Variants in AGBL1 observed in about 807,000 individuals in gnomAD.
AGBL1 encodes AGBL carboxypeptidase 1.
In AGBL1, 130 loss-of-function variants were observed where a neutral mutation model predicts 118.9. The ratio of observed to expected loss-of-function variants is 1.09; its 90% CI spans 0.95 to 1.26. AGBL1 has a LOEUF of 1.26. AGBL1 is among the 50% of genes most tolerant of loss of function. AGBL1 has a pLI of 0.00. For missense variants in AGBL1, 1,584 were observed against 1,298.1 expected (o/e 1.22, Z -3.38); for synonymous variants, 555 against 478.9 (o/e 1.16, Z -2.08).
At chr15:86,861,575 G>T (rs1011633490) in intron 22 of AGBL1, among the ~76,000 whole-genome samples, 1 of 152,138 alleles carries the variant, frequency 6.6e-6, no homozygotes, top group African/African-American at 2.4e-5. Flanking sequence ...AAAGTTCTCT[G>T]TTACTCAGTT....
At chr15:86,441,560 G>T (rs1245928087) in intron 18 of AGBL1, among the ~76,000 whole-genome samples, 1 of 152,142 alleles carries the variant, frequency 6.6e-6, no homozygotes, top group Non-Finnish European at 1.5e-5. Context: ...GAATATCCAG[G>T]TATCCGTAAA....
chr15:86,342,428 A>G (rs1252642104), intron 17 of AGBL1, among the ~76,000 whole-genome samples: 1 of 152,198 alleles, frequency 6.6e-6, no homozygotes, highest in African/African-American at 2.4e-5. Flanking sequence ...GAAATGAATT[A>G]ATGAAGGAGG....
At chr15:86,119,060 G>T (rs1482130832) in intron 1 of AGBL1, among the ~76,000 whole-genome samples, 1 of 152,130 alleles carries the variant, frequency 6.6e-6, no homozygotes, top group African/African-American at 2.4e-5. Flanking sequence ...AACCCACAGG[G>T]TCCAAAGTGC....
intron 22 of AGBL1, among the ~76,000 whole-genome samples, chr15:86,762,530 T>A (rs2078041472): frequency 6.6e-6 from 1 of 151,978 alleles, no homozygotes. Context: ...TCATGGAGTT[T>A]TCTTTGTGGC....
intron 22 of AGBL1, among the ~76,000 whole-genome samples, chr15:86,747,750 T>C (rs887093431): frequency 2.0e-4 from 30 of 152,186 alleles, no homozygotes; most frequent in Admixed American, 5.2e-4. Flanking sequence ...GTTCTTGAGA[T>C]ACTTTGCTGA....
intron 21 of AGBL1, among the ~76,000 whole-genome samples, chr15:86,623,734 A>G (rs2084845824): frequency 6.6e-6 from 1 of 152,230 alleles, no homozygotes; most frequent in Non-Finnish European, 1.5e-5. Flanking sequence ...TTTTGCAATA[A>G]TTCGAAATCC....
At chr15:86,257,217 C>T (rs967368068) in intron 8 of AGBL1, among the ~76,000 whole-genome samples, 199 bp downstream of exon 8, 4 of 152,106 alleles carry the variant, frequency 2.6e-5, no homozygotes, top group African/African-American at 7.2e-5. Context: ...AAACCAAGCT[C>T]GCTTATTTTG....
At chr15:86,152,420 T>A (rs2077125665) in intron 3 of AGBL1, among the ~76,000 whole-genome samples, 1 of 152,150 alleles carries the variant, frequency 6.6e-6, no homozygotes, top group South Asian at 2.1e-4. Context: ...GGGGAAAGGA[T>A]TCCCTATTTA....
In AGBL1 at chr15:86,694,724, T is replaced by G. The variant is rs1030638158; in HGVS notation, c.3158+20288T>G. On this transcript the variant is annotated intron_variant, in intron 22 of 22. Transcript: ENST00000614907. ...TTTCCCCATTCAGTATTATGTTGGC[T>G]GTGGGTTTATGTAGATGGCTTTTAT... Among the ~76,000 whole-genome samples, 4 of 152,128 alleles carry G rather than the reference T, an allele frequency of 2.6e-5. No individual in the cohort carries two copies. In the South Asian group the frequency reaches 6.2e-4, roughly 24 times the overall value.
chr15:86,472,411 G>T (rs528239922), intron 18 of AGBL1, among the ~76,000 whole-genome samples: 48 of 152,200 alleles, frequency 3.2e-4, no homozygotes, highest in Non-Finnish European at 5.7e-4. Context: ...TCATTAATTG[G>T]TTCCTCAACA....
chr15:86,257,445 T>C (rs1412282907), intron 8 of AGBL1, among the ~76,000 whole-genome samples: 1 of 152,232 alleles, frequency 6.6e-6, no homozygotes, highest in Non-Finnish European at 1.5e-5. Flanking sequence ...AGTATTATTA[T>C]TTAATCTCTG....
intron 20 of AGBL1, among the ~76,000 whole-genome samples, chr15:86,550,698 A>G (rs901496673): frequency 2.6e-5 from 4 of 152,100 alleles, no homozygotes; most frequent in African/African-American, 9.7e-5. Flanking sequence ...AGTATGTGAT[A>G]GAATAACCAA....
At chr15:86,191,073 G>A (rs1313435921) in intron 5 of AGBL1, among the ~76,000 whole-genome samples, 1 of 152,112 alleles carries the variant, frequency 6.6e-6, no homozygotes, top group Non-Finnish European at 1.5e-5. Context: ...GCCGGGTGTG[G>A]TGGAACACGT....
chr15:86,535,971 G>A (rs2083420747), intron 19 of AGBL1, among the ~76,000 whole-genome samples: 1 of 152,012 alleles, frequency 6.6e-6, no homozygotes, highest in Admixed American at 6.5e-5. Context: ...TTTTACATTT[G>A]AGGATATGGT....
At chr15:86,169,591 C>G (rs74025010) in intron 5 of AGBL1, among the ~76,000 whole-genome samples, 47 of 152,186 alleles carry the variant, frequency 3.1e-4, no homozygotes, top group Non-Finnish European at 6.5e-4. Context: ...AACTTATGCA[C>G]TTCCTCCTGT....
At chr15:87,009,462 C>T (rs1413022764) in intron 24 of AGBL1, among the ~76,000 whole-genome samples, 2 of 152,206 alleles carry the variant, frequency 1.3e-5, no homozygotes, top group Admixed American at 6.5e-5. Flanking sequence ...AGCAGGGCCT[C>T]ATGGAGAACC....
chr15:86,631,460 G>A (rs570409483), intron 21 of AGBL1, among the ~76,000 whole-genome samples: 1 of 152,326 alleles, frequency 6.6e-6, no homozygotes, highest in South Asian at 2.1e-4. Context: ...GAGAGATTGT[G>A]TGACTTGCCA....
intron 17 of AGBL1, among the ~76,000 whole-genome samples, chr15:86,361,389 C>T (rs956994759): frequency 6.6e-6 from 1 of 151,988 alleles, no homozygotes; most frequent in Non-Finnish European, 1.5e-5. Flanking sequence ...GGAAAATGTT[C>T]TATGTGCAAT....
intron 7 of AGBL1, among the ~76,000 whole-genome samples, chr15:86,248,402 C>T (rs188848792): frequency 6.6e-6 from 1 of 152,260 alleles, no homozygotes; most frequent in African/African-American, 2.4e-5. Context: ...ATACACACTA[C>T]CAGAGGTGCA....
Sources: allele counts gnomAD v4.1 joint callset (sites outside exome capture counted in the v4.1 genomes callset), GRCh38; gene constraint gnomAD v4.1.1; transcripts MANE v1.5; gene names NCBI Gene and HGNC (gene_info 2026-07-23, HGNC 2026-07-21).